STT3A: variants seen among roughly 807,000 people sequenced by gnomAD.
The protein encoded by STT3A is dolichyl-diphosphooligosaccharide--protein glycosyltransferase subunit STT3A.
A neutral mutation model predicts 89.2 loss-of-function variants in STT3A; 34 were observed. The observed-to-expected ratio is 0.38, with a 90% CI of 0.29 to 0.51. The LOEUF is 0.51. Among genes scored for constraint, STT3A ranks in the 20% least tolerant of loss-of-function variants. The probability of loss-of-function intolerance (pLI) is 0.89; values close to 1 mark genes in which losing one functional copy is unlikely to be tolerated. For synonymous variants in STT3A, 282 were observed against 310.3 expected (o/e 0.91, Z 0.96); for missense variants, 555 against 889.5 (o/e 0.62, Z 4.78).
rs900819695 is a variant in STT3A at position 125,602,720 on chromosome 11, T to C, written c.272-83T>C. The C allele has an allele frequency of 2.4e-5, 38 of 1,560,966 alleles. No homozygotes were observed. In the African/African-American group the frequency reaches 3.4e-4, roughly 14 times the overall value. On this transcript the variant is annotated intron_variant, in intron 4 of 17. Transcript: ENST00000392708. ...GATTTGTCAAGACTTACATAGTCAC[T>C]TTATTGTATCTGGGATTTTCCCTTT...
At chr11:125,601,566 T>C (rs1409407384) in intron 3 of STT3A, among the ~76,000 whole-genome samples, 1 of 151,784 alleles carries the variant, frequency 6.6e-6, no homozygotes, top group Non-Finnish European at 1.5e-5. Context: ...GAGGTTGCAG[T>C]GAGCCGAGAT....
chr11:125,599,614 A>G (rs947030789), intron 3 of STT3A, among the ~76,000 whole-genome samples: 2 of 150,422 alleles, frequency 1.3e-5, no homozygotes, highest in Non-Finnish European at 3.0e-5. Flanking sequence ...TTGTTATGTT[A>G]CACAGGCTGG....
At chr11:125,603,814 A>G (rs539860183) in intron 5 of STT3A, among the ~76,000 whole-genome samples, 1 of 152,244 alleles carries the variant, frequency 6.6e-6, no homozygotes, top group African/African-American at 2.4e-5. Flanking sequence ...TGTTCCAATG[A>G]TGTACAGATA....
intron 11 of STT3A, among the ~76,000 whole-genome samples, chr11:125,612,023 A>G (rs373302870): frequency 1.1e-4 from 17 of 151,764 alleles, no homozygotes; most frequent in Non-Finnish European, 1.9e-4. Flanking sequence ...GATTACTGGC[A>G]TGCACCACCA....
chr11:125,605,723 T>C lies in STT3A; in HGVS notation c.603T>C (p.Ala201=), dbSNP rs1939814290. 1 of 1,613,406 alleles carries C rather than the reference T, an allele frequency of 6.2e-7. No homozygotes were observed. The highest frequency in any genetic ancestry group is 1.1e-5 in the South Asian group (1 of 90,938). ...GTTGGGCAGCTAAGTGTGCCCTTGC[T>C]TATTTCTACATGGTAACTTTTTCTA... ...SICWAAKCAL[A]YFYMVSSWGG... Residue 201 remains alanine (A), a synonymous_variant, in exon 7 of 18, where the codon GCT becomes GCC. Coordinates refer to ENST00000392708, the MANE Select transcript of STT3A (RefSeq NM_152713.5).
chr11:125,615,393 C>G lies in STT3A; in HGVS notation c.1774+967C>G, dbSNP rs190161153. Among the ~76,000 whole-genome samples the G allele has an allele frequency of 5.1e-3, 777 of 152,258 alleles. 2 individuals are homozygous for G. Among genetic ancestry groups the G allele is most frequent in the Non-Finnish European group, 7.4e-3 (502 of 68,022 alleles). ...CTGCAGCTATTTCTTCTAGTACTTACATGCATATTTCTAAATACTGTGTAT... is the reference window on the plus strand; with the variant it reads ...CTGCAGCTATTTCTTCTAGTACTTAGATGCATATTTCTAAATACTGTGTAT... On this transcript the variant is annotated intron_variant, in intron 15 of 17. Coordinates refer to ENST00000392708, the MANE Select transcript of STT3A (RefSeq NM_152713.5).
At chr11:125,615,091 C>A (rs2135942230) in intron 15 of STT3A, among the ~76,000 whole-genome samples, 1 of 152,094 alleles carries the variant, frequency 6.6e-6, no homozygotes, top group Non-Finnish European at 1.5e-5. Flanking sequence ...GCCTGGGCAA[C>A]ATAGTGAAAC....
chr11:125,596,304 A>G (rs1026548135), intron 2 of STT3A, among the ~76,000 whole-genome samples: 1 of 152,140 alleles, frequency 6.6e-6, no homozygotes, highest in Non-Finnish European at 1.5e-5. Flanking sequence ...GTCTCTACTA[A>G]AAATACAAAA....
Position 125,595,959 on chromosome 11 carries a change from A to T in STT3A, c.44A>T (p.Asp15Val). ...GFLRLSYEKQ[D>V]TLLKLLILSM... ...TTGCGATTGTCCTATGAGAAGCAGG[A>T]CACACTTTTGAAGCTTCTCATTCTG... Residue 15 changes from aspartate to valine, a missense_variant, in exon 2 of 18, where the codon GAC becomes GTC. Coordinates refer to ENST00000392708, the MANE Select transcript of STT3A (RefSeq NM_152713.5). The T allele has an allele frequency of 6.2e-7, 1 of 1,614,086 alleles. No homozygotes were observed. Among genetic ancestry groups the T allele is most frequent in the Non-Finnish European group, 8.5e-7 (1 of 1,179,980 alleles).
chr11:125,621,005 C>A lies in STT3A; in HGVS notation c.*195C>A. 3 of 456,002 alleles carry A rather than the reference C, an allele frequency of 6.6e-6. No individual in the cohort carries two copies. Among genetic ancestry groups the A allele is most frequent in the African/African-American group, 2.0e-5 (1 of 49,292 alleles). 28.2% of individuals were successfully genotyped at this position (456,002 alleles called of 1,614,324 possible). On this transcript the variant is annotated 3_prime_UTR_variant, in exon 18 of 18. Coordinates refer to ENST00000392708, the MANE Select transcript of STT3A (RefSeq NM_152713.5). ...GATTTTTATAATTCTAAACAGGTTA[C>A]CAAATGAAATGTCATGGCTTTACTT...
intron 6 of STT3A, among the ~76,000 whole-genome samples, chr11:125,605,241 G>A (rs1939797891): frequency 1.3e-5 from 2 of 152,042 alleles, no homozygotes; most frequent in South Asian, 4.1e-4. Context: ...ATCAAGGAAA[G>A]GGGCAATTGG....
chr11:125,608,302 C>T lies in STT3A; in HGVS notation c.961+13C>T, dbSNP rs777693963. Reference sequence around the variant, plus strand: ...CTCATGCTGACAGGTAGGGAAGGCTCACAGCTTTTTTCCTTTTTTCTTTTT... The same window carrying T: ...CTCATGCTGACAGGTAGGGAAGGCTTACAGCTTTTTTCCTTTTTTCTTTTT... On this transcript the variant is annotated intron_variant, in intron 9 of 17. Coordinates refer to ENST00000392708, the MANE Select transcript of STT3A (RefSeq NM_152713.5). 3 of 1,575,362 alleles carry T rather than the reference C, an allele frequency of 1.9e-6. No individual in the cohort carries two copies. Among genetic ancestry groups the T allele is most frequent in the Admixed American group, 2.0e-5 (1 of 49,298 alleles).
At chr11:125,592,609 A>C (rs1474777251), upstream of STT3A, 4 of 402,078 alleles carry the variant, frequency 9.9e-6, no homozygotes, top group Admixed American at 2.9e-5. Context: ...TGCTTGGGGC[A>C]CGTTCTTTCC....
upstream of STT3A, chr11:125,592,487 AGCGTAGTTTCC>A (rs1240685773): frequency 3.1e-5 from 14 of 455,896 alleles, no homozygotes; most frequent in Admixed American, 2.8e-4. Context: ...GGCCTATTTC[AGCGTAGTTTCC>A]GCTTCTTGTC....
At chr11:125,606,087 T>C in intron 7 of STT3A, 2 of 509,492 alleles carry the variant, frequency 3.9e-6, no homozygotes, top group Middle Eastern at 5.1e-4. Context: ...TTTTTAAAAT[T>C]TATTTTATTT....
At chr11:125,609,927 A>C (rs1371908261) in intron 10 of STT3A, 1 of 232,574 alleles carries the variant, frequency 4.3e-6, no homozygotes, top group African/African-American at 2.3e-5. Flanking sequence ...TCCTCTTGGA[A>C]GTATTGAAGT....
At chr11:125,600,145 G>C (rs370301847) in intron 3 of STT3A, among the ~76,000 whole-genome samples, 1 of 150,316 alleles carries the variant, frequency 6.7e-6, no homozygotes, top group Non-Finnish European at 1.5e-5. Context: ...CTGCCTCCCG[G>C]GTTCAAGCGA....
At chr11:125,603,023 G>A (rs918671734) in intron 5 of STT3A, 75 bp downstream of exon 5, 17 of 1,555,812 alleles carry the variant, frequency 1.1e-5, no homozygotes, top group Admixed American at 9.5e-5. Context: ...GGAGGGTGGG[G>A]GACAGAGCCT....
chr11:125,612,209 T>G (rs1195450109), intron 11 of STT3A, among the ~76,000 whole-genome samples: 1 of 152,192 alleles, frequency 6.6e-6, no homozygotes, highest in South Asian at 2.1e-4. Flanking sequence ...CATCTCTAGA[T>G]TGTAATACTA....
Sources: gnomAD v4.1 joint callset for allele counts (sites outside exome capture counted in the v4.1 genomes callset) on GRCh38, gnomAD v4.1.1 for gene constraint, MANE v1.5 for transcripts, NCBI Gene and HGNC (gene_info 2026-07-23, HGNC 2026-07-21) for gene names.